The following PCCA variants were observed in gnomAD, a reference collection of about 807,000 sequenced individuals.
PCCA encodes propionyl-CoA carboxylase alpha chain, mitochondrial.
PCCA carries 74 observed loss-of-function variants against 101.3 expected under a neutral mutation model. The ratio of observed to expected loss-of-function variants is 0.73; its 90% CI spans 0.61 to 0.89. The LOEUF is 0.89. Ranked by LOEUF, PCCA falls within the 40% of genes least tolerant of loss-of-function variation. The pLI, the probability that PCCA is intolerant of heterozygous loss-of-function variation, is 0.00. For missense variants in PCCA, 891 were observed against 907.0 expected, an observed-to-expected ratio of 0.98 and a Z score of 0.23; for synonymous variants, 294 against 313.6, an observed-to-expected ratio of 0.94 and a Z score of 0.66.
chr13:100,163,783 T>G (rs752578816), intron 6 of PCCA, among the ~76,000 whole-genome samples: 6 of 152,186 alleles, frequency 3.9e-5, no homozygotes, highest in Non-Finnish European at 8.8e-5. Context: ...ATTATTTGTT[T>G]TCTCTCAGTC....
Position 100,370,081 on chromosome 13 carries a change from T to TTC in PCCA, c.1746+1508_1746+1509insCT, listed in dbSNP as rs1382389390. 4.6e-5 allele frequency among the ~76,000 whole-genome samples: 6 copies of TTC among 130,150 alleles called. No individual in the cohort carries two copies. The South Asian group carries it at 1.0e-3, about 23-fold the overall frequency. 85.4% of individuals were successfully genotyped at this position (130,150 alleles called of 152,430 possible). A position where few individuals can be genotyped will look rare whatever the true frequency, so the allele number is the denominator to read the frequency against. On this transcript the variant is annotated intron_variant, in intron 19 of 23. Transcript: ENST00000376285. ...TTTTCAGAGCTGTTACTTCTTTTTT[T>TTC]TTTTTTTTTTTTTTTTTTGAGACAG...
chr13:100,478,626 G>A (rs972698565), intron 21 of PCCA, among the ~76,000 whole-genome samples: 1 of 152,188 alleles, frequency 6.6e-6, no homozygotes, highest in African/African-American at 2.4e-5. Context: ...GAAATTGCCT[G>A]GTCAGGAGGG....
intron 18 of PCCA, among the ~76,000 whole-genome samples, chr13:100,351,022 T>C (rs1240526948): frequency 6.6e-6 from 1 of 152,240 alleles, no homozygotes; most frequent in Non-Finnish European, 1.5e-5. Flanking sequence ...AATCAAGTTT[T>C]TATTTCACAT....
intron 8 of PCCA, among the ~76,000 whole-genome samples, chr13:100,249,890 A>G (rs1331558063): frequency 1.3e-5 from 2 of 152,136 alleles, no homozygotes; most frequent in Non-Finnish European, 2.9e-5. Flanking sequence ...TAGGAATGTG[A>G]TAATCTTTTG....
chr13:100,294,360 T>C (rs7324795), intron 12 of PCCA, among the ~76,000 whole-genome samples: 145,025 of 152,260 alleles, frequency 0.95, 69,460 homozygotes, highest in East Asian at 1. Flanking sequence ...CAGCCCATAA[T>C]GGTTTCCTTA....
intron 21 of PCCA, among the ~76,000 whole-genome samples, chr13:100,483,227 A>G (rs1464563783): frequency 1.3e-5 from 2 of 152,022 alleles, no homozygotes; most frequent in African/African-American, 4.8e-5. Flanking sequence ...AAGTCTTTCT[A>G]TTAGGAACAA....
rs186973392 is a variant in PCCA, at chr13:100,455,417, A to T, written c.1899+6112A>T. ...TTTCCCACATTTATATCCCTAAGTGATATACATTTTTGTTTTACGCGTTTT... is the reference window on the plus strand; with the variant it reads ...TTTCCCACATTTATATCCCTAAGTGTTATACATTTTTGTTTTACGCGTTTT... On this transcript the variant is annotated intron_variant, in intron 21 of 23. Coordinates refer to ENST00000376285, the MANE Select transcript of PCCA (RefSeq NM_000282.4). Among the ~76,000 whole-genome samples the T allele has an allele frequency of 2.0e-5, 3 of 152,250 alleles. No individual in the cohort carries two copies. The East Asian group carries it at 5.8e-4, about 29-fold the overall frequency.
chr13:100,494,614 C>T (rs1189394339), intron 21 of PCCA, among the ~76,000 whole-genome samples: 2 of 150,608 alleles, frequency 1.3e-5, no homozygotes, highest in Non-Finnish European at 2.9e-5. Context: ...ACCCGGGAGG[C>T]GGAGTTTGCG....
chr13:100,233,534 T>C (rs923735237), intron 7 of PCCA, among the ~76,000 whole-genome samples: 3 of 152,108 alleles, frequency 2.0e-5, no homozygotes, highest in Non-Finnish European at 2.9e-5. Flanking sequence ...TGGAGCTATA[T>C]AGGGCTTTTT....
At chr13:100,489,942 C>T (rs2084769533) in intron 21 of PCCA, 1 of 152,118 alleles carries the variant, frequency 6.6e-6, no homozygotes, top group Non-Finnish European at 1.5e-5. Flanking sequence ...TCTAGGAGCA[C>T]GGGGCTCAGG....
intron 19 of PCCA, among the ~76,000 whole-genome samples, chr13:100,397,239 A>G (rs2077091896): frequency 6.6e-6 from 1 of 152,242 alleles, no homozygotes; most frequent in African/African-American, 2.4e-5. Flanking sequence ...TCGAGGTGTC[A>G]TCAAATCAGC....
At chr13:100,089,593 T>G (rs2046092116) in intron 1 of PCCA, among the ~76,000 whole-genome samples, 1 of 152,200 alleles carries the variant, frequency 6.6e-6, no homozygotes, top group Middle Eastern at 3.2e-3. Flanking sequence ...TCTTTTTAGG[T>G]GTCCTTATAG....
chr13:100,473,432 C>A (rs1362560991), intron 21 of PCCA: 1 of 152,246 alleles, frequency 6.6e-6, no homozygotes, highest in Admixed American at 6.5e-5. Context: ...TGGTTGTACT[C>A]TTTCACAGAT....
intron 4 of PCCA, among the ~76,000 whole-genome samples, chr13:100,118,111 A>G (rs1160120627): frequency 6.8e-5 from 10 of 146,004 alleles, no homozygotes; most frequent in African/African-American, 1.0e-4. Flanking sequence ...GCAAGACTCC[A>G]TCTCAAAAAA....
chr13:100,217,737 G>A (rs2059597561), intron 7 of PCCA, among the ~76,000 whole-genome samples: 1 of 150,280 alleles, frequency 6.7e-6, no homozygotes, highest in South Asian at 2.1e-4. Context: ...CACCTGTAAT[G>A]TCAGCTACTT....
chr13:100,469,323 A>C (rs1403580693), intron 21 of PCCA, among the ~76,000 whole-genome samples: 1 of 152,070 alleles, frequency 6.6e-6, no homozygotes, highest in Non-Finnish European at 1.5e-5. Context: ...GGCAAAGAGG[A>C]ACAAAGGAAA....
At chr13:100,422,302 T>TA (rs1327216043) in intron 19 of PCCA, among the ~76,000 whole-genome samples, 5 of 151,680 alleles carry the variant, frequency 3.3e-5, no homozygotes, top group Non-Finnish European at 5.9e-5. Flanking sequence ...CCTGGCTAAG[T>TA]AAAAAAAATT....
At chr13:100,292,520 TGTGA>T (rs1338004959) in intron 12 of PCCA, among the ~76,000 whole-genome samples, 2 of 152,368 alleles carry the variant, frequency 1.3e-5, no homozygotes, top group East Asian at 1.9e-4. Context: ...TTCTGCTAAC[TGTGA>T]GTATCTTATC....
chr13:100,329,978 G>T (rs2069305148), intron 16 of PCCA, among the ~76,000 whole-genome samples: 1 of 152,156 alleles, frequency 6.6e-6, no homozygotes, highest in African/African-American at 2.4e-5. Flanking sequence ...ACACCCAACT[G>T]CACGTCACAT....
Sources: gnomAD v4.1 joint callset for allele counts (sites outside exome capture counted in the v4.1 genomes callset) on GRCh38, gnomAD v4.1.1 for gene constraint, MANE v1.5 for transcripts, NCBI Gene and HGNC (gene_info 2026-07-23, HGNC 2026-07-21) for gene names.